The following CELF4 variants were observed in gnomAD, a reference collection of about 807,000 sequenced individuals.
The protein encoded by CELF4 is CUG-BP- and ETR-3-like factor 4.
In CELF4, 18 loss-of-function variants were observed where a neutral mutation model predicts 59.9. The observed-to-expected ratio is 0.30, with a 90% confidence interval of 0.21 to 0.45. The LOEUF is 0.45. CELF4 is among the 20% of genes least tolerant of loss of function. The pLI is 1.00. For synonymous variants in CELF4, 261 were observed against 267.1 expected, an observed-to-expected ratio of 0.98 and a Z score of 0.22; for missense variants, 456 against 689.0, an observed-to-expected ratio of 0.66 and a Z score of 3.79.
intron 2 of CELF4, among the ~76,000 whole-genome samples, chr18:37,337,236 G>C (rs1433181994): frequency 6.6e-6 from 1 of 152,204 alleles, no homozygotes; most frequent in African/African-American, 2.4e-5. Context: ...CCCACAAGCG[G>C]AGGGAGAGGA....
chr18:37,324,760 A>G (rs903419790), intron 2 of CELF4, among the ~76,000 whole-genome samples: 1 of 152,206 alleles, frequency 6.6e-6, no homozygotes, highest in African/African-American at 2.4e-5. Flanking sequence ...CCCTGAGAAC[A>G]GGAACAGCTG....
chr18:37,304,502 G>A (rs1433066055), intron 3 of CELF4, among the ~76,000 whole-genome samples: 1 of 152,244 alleles, frequency 6.6e-6, no homozygotes, highest in Admixed American at 6.5e-5. Flanking sequence ...CATGCAGGAG[G>A]TGTGTGGGGC....
chr18:37,262,838 G>A (rs924208573), intron 10 of CELF4, among the ~76,000 whole-genome samples: 4 of 152,132 alleles, frequency 2.6e-5, no homozygotes, highest in Admixed American at 2.6e-4. Flanking sequence ...CCTGATGAGG[G>A]GACCACCCCC....
intron 1 of CELF4, among the ~76,000 whole-genome samples, chr18:37,543,171 T>C (rs2099978963): frequency 6.6e-6 from 1 of 152,142 alleles, no homozygotes; most frequent in South Asian, 2.1e-4. Flanking sequence ...GAACTTTACA[T>C]CATAGGGTTA....
chr18:37,312,117 A>G (rs931645578), intron 3 of CELF4, among the ~76,000 whole-genome samples: 8 of 118,438 alleles, frequency 6.8e-5, no homozygotes, highest in Admixed American at 5.6e-4. Context: ...TCTCAAAAAA[A>G]AAAAAAAAAA....
At chr18:37,466,856 G>T (rs1217675508) in intron 2 of CELF4, among the ~76,000 whole-genome samples, 3 of 152,176 alleles carry the variant, frequency 2.0e-5, no homozygotes, top group Non-Finnish European at 4.4e-5. Context: ...TGGAATGCTG[G>T]CCAAGGACTG....
At chr18:37,532,377 A>T (rs534242298) in intron 1 of CELF4, among the ~76,000 whole-genome samples, 8 of 152,302 alleles carry the variant, frequency 5.3e-5, no homozygotes, top group Non-Finnish European at 7.4e-5. Context: ...CAGGGACTGC[A>T]TCTCAGTCAC....
At chr18:37,256,271 C>T (rs1318688213) in intron 11 of CELF4, among the ~76,000 whole-genome samples, 1 of 152,206 alleles carries the variant, frequency 6.6e-6, no homozygotes, top group Non-Finnish European at 1.5e-5. Context: ...AACATTTGTG[C>T]TAGACATGCC....
chr18:37,317,551 A>C (rs1603455550), intron 3 of CELF4, among the ~76,000 whole-genome samples: 1 of 152,110 alleles, frequency 6.6e-6, no homozygotes, highest in Non-Finnish European at 1.5e-5. Flanking sequence ...CCGGATAAGA[A>C]CCTTCCACAA....
chr18:37,563,978 C>T (rs889016475), intron 1 of CELF4, among the ~76,000 whole-genome samples: 4 of 152,188 alleles, frequency 2.6e-5, no homozygotes, highest in Non-Finnish European at 4.4e-5. Context: ...GACAGCTCTG[C>T]GCTCTGCACC....
intron 2 of CELF4, among the ~76,000 whole-genome samples, chr18:37,385,269 C>A (rs779587389): frequency 2.0e-5 from 3 of 148,872 alleles, no homozygotes; most frequent in Non-Finnish European, 4.4e-5. Flanking sequence ...AATCTCGAAT[C>A]GCTTGAACTC....
Position 37,455,709 on chromosome 18 carries a change from T to C in CELF4, c.369+29816A>G, listed in dbSNP as rs577967552. On this transcript the variant is annotated intron_variant, in intron 2 of 12. Coordinates refer to ENST00000420428, the MANE Select transcript of CELF4 (RefSeq NM_020180.4). ...CTGCAGGACACACGCTTTTAGGTCA[T>C]AGACAAGGTCTACAAGCTGGGTCAC... 9.3e-4 allele frequency among the ~76,000 whole-genome samples: 141 copies of C among 152,284 alleles called. No homozygotes were observed. The Middle Eastern group carries it at 0.014, about 15-fold the overall frequency.
chr18:37,303,492 T>A (rs1353290432), intron 3 of CELF4, among the ~76,000 whole-genome samples: 1 of 152,158 alleles, frequency 6.6e-6, no homozygotes, highest in Non-Finnish European at 1.5e-5. Context: ...GTGGGGCTCT[T>A]AGCAAAAGGC....
At chr18:37,242,923 C>T (rs149776921), downstream of CELF4, 282 of 152,340 alleles carry the variant, frequency 1.9e-3, 3 homozygotes, top group African/African-American at 6.3e-3. Context: ...AGGCTCAGAA[C>T]GAGGGCCTGT....
chr18:37,510,572 C>T (rs1039735890), intron 1 of CELF4, among the ~76,000 whole-genome samples: 1 of 152,236 alleles, frequency 6.6e-6, no homozygotes, highest in African/African-American at 2.4e-5. Context: ...CCATCATGAG[C>T]TCTCCACTTA....
At chr18:37,476,116 G>A (rs762677049) in intron 2 of CELF4, among the ~76,000 whole-genome samples, 1 of 152,236 alleles carries the variant, frequency 6.6e-6, no homozygotes, top group Non-Finnish European at 1.5e-5. Flanking sequence ...ATACAACTTG[G>A]ATGATTTCTA....
intron 9 of CELF4, among the ~76,000 whole-genome samples, chr18:37,264,997 G>T (rs2076719249): frequency 6.6e-6 from 1 of 150,632 alleles, no homozygotes; most frequent in South Asian, 2.1e-4. Flanking sequence ...TACATTACAT[G>T]CATACATGCA....
intron 2 of CELF4, among the ~76,000 whole-genome samples, chr18:37,412,099 G>A (rs1382695006): frequency 6.6e-6 from 1 of 152,224 alleles, no homozygotes; most frequent in African/African-American, 2.4e-5. Context: ...CTCTGAGTCA[G>A]CCGTCCAGAT....
chr18:37,523,595 C>T (rs1410119739), intron 1 of CELF4, among the ~76,000 whole-genome samples: 2 of 152,176 alleles, frequency 1.3e-5, no homozygotes, highest in Non-Finnish European at 2.9e-5. Flanking sequence ...AATTCAGGCC[C>T]ATCATAGGAT....
Sources: gnomAD v4.1 joint callset for allele counts (sites outside exome capture counted in the v4.1 genomes callset) on GRCh38, gnomAD v4.1.1 for gene constraint, MANE v1.5 for transcripts, NCBI Gene and HGNC (gene_info 2026-07-23, HGNC 2026-07-21) for gene names.